The following NLK variants were observed in gnomAD, a reference collection of about 807,000 sequenced individuals.
NLK encodes serine/threonine-protein kinase NLK.
A neutral mutation model predicts 59.0 loss-of-function variants in NLK; 11 were observed. The observed-to-expected ratio is 0.19, with a 90% CI of 0.12 to 0.31. The LOEUF (loss-of-function observed/expected upper bound fraction) is 0.31. Among genes scored for constraint, NLK ranks in the 10% least tolerant of loss-of-function variants. NLK has a pLI of 1.00. For synonymous variants in NLK, 235 were observed against 235.9 expected (o/e 1.00, Z 0.03); for missense variants, 410 against 661.1 (o/e 0.62, Z 4.16).
rs1908912152 is a variant in NLK at position 28,042,971 on chromosome 17, A to G, written c.98A>G (p.His33Arg). 6.4e-7 allele frequency: 1 copy of G among 1,555,956 alleles called. No homozygotes were observed. The highest frequency in any genetic ancestry group is 8.7e-7 in the Non-Finnish European group (1 of 1,149,408). The change falls in exon 1 of 11, where the codon CAC (histidine) becomes CGC (arginine). Residue 33 changes from histidine to arginine, a missense_variant. Transcript: ENST00000407008. The stretch of plus-strand genomic sequence containing the variant: ...GCAGGTCACCACCACCACCATCACC[A>G]CCACCTTCCACACCTCCCTCCTCCT... ...AAAGHHHHHH[H>R]HLPHLPPPHL...
intron 3 of NLK, among the ~76,000 whole-genome samples, chr17:28,152,093 C>T (rs141891600): frequency 6.6e-6 from 1 of 152,198 alleles, no homozygotes; most frequent in African/African-American, 2.4e-5. Context: ...CATTCAAATC[C>T]CACAGGTATA....
chr17:28,193,181 G>C (rs994797804), intron 10 of NLK, among the ~76,000 whole-genome samples: 1 of 152,230 alleles, frequency 6.6e-6, no homozygotes, highest in African/African-American at 2.4e-5. Context: ...AGAGGATTCT[G>C]AAGGCTGCTG....
chr17:28,117,744 C>T (rs1388766198), intron 1 of NLK, among the ~76,000 whole-genome samples: 1 of 152,106 alleles, frequency 6.6e-6, no homozygotes, highest in Non-Finnish European at 1.5e-5. Flanking sequence ...GGATCTCTTT[C>T]TTATGCATAC....
intron 1 of NLK, among the ~76,000 whole-genome samples, chr17:28,050,120 A>C (rs1320422540): frequency 6.6e-6 from 1 of 152,250 alleles, no homozygotes; most frequent in East Asian, 1.9e-4. Flanking sequence ...ATGGATTATT[A>C]TAATTCATTG....
At chr17:28,129,939 C>T (rs184700107) in intron 2 of NLK, among the ~76,000 whole-genome samples, 14 of 152,190 alleles carry the variant, frequency 9.2e-5, no homozygotes, top group African/African-American at 3.4e-4. Context: ...ACATAATGAG[C>T]TTTTGTGTTT....
chr17:28,152,752 T>C (rs1159221979), intron 3 of NLK, among the ~76,000 whole-genome samples: 5 of 152,038 alleles, frequency 3.3e-5, no homozygotes, highest in African/African-American at 7.2e-5. Context: ...GCCTCCCTAG[T>C]AGCCGGGACT....
chr17:28,177,624 A>G (rs1908736466), intron 7 of NLK, among the ~76,000 whole-genome samples: 1 of 152,220 alleles, frequency 6.6e-6, no homozygotes. Context: ...AGATGGAGCC[A>G]GCAGTCCAGG....
At chr17:28,069,763 ATTTC>A (rs1366630608) in intron 1 of NLK, among the ~76,000 whole-genome samples, 2 of 151,710 alleles carry the variant, frequency 1.3e-5, no homozygotes, top group East Asian at 3.9e-4. Flanking sequence ...TAGGAGTCTT[ATTTC>A]TTTTTCTGAA....
chr17:28,119,638 A>G (rs1423070356), intron 1 of NLK, among the ~76,000 whole-genome samples: 1 of 152,222 alleles, frequency 6.6e-6, no homozygotes, highest in African/African-American at 2.4e-5. Context: ...AACCATCGTA[A>G]TAATTGATTC....
chr17:28,070,354 AT>A (rs749066253), intron 1 of NLK, among the ~76,000 whole-genome samples: 4,133 of 134,804 alleles, frequency 0.031, 85 homozygotes, highest in African/African-American at 0.086. Flanking sequence ...TCTGAAATTA[AT>A]TTTTTTTTTT....
chr17:28,108,665 T>G (rs1374528262), intron 1 of NLK, among the ~76,000 whole-genome samples: 1 of 152,236 alleles, frequency 6.6e-6, no homozygotes, highest in Non-Finnish European at 1.5e-5. Flanking sequence ...AATAAAACTT[T>G]AATAGCAAGT....
chr17:28,134,340 G>A (rs1906648155), intron 3 of NLK, among the ~76,000 whole-genome samples: 2 of 152,152 alleles, frequency 1.3e-5, no homozygotes. Flanking sequence ...GGTCGAGGCT[G>A]TAGTGAGCTG....
At chr17:28,156,559 T>C (rs543118753) in intron 3 of NLK, among the ~76,000 whole-genome samples, 109 of 152,178 alleles carry the variant, frequency 7.2e-4, no homozygotes, top group Non-Finnish European at 1.0e-3. Flanking sequence ...CAACACACAC[T>C]TTTTTTGTGG....
At chr17:28,163,339 C>T (rs909526799) in intron 4 of NLK, among the ~76,000 whole-genome samples, 3 of 152,212 alleles carry the variant, frequency 2.0e-5, no homozygotes, top group African/African-American at 7.2e-5. Flanking sequence ...TATCTCTAGA[C>T]TTTGCAAACC....
intron 1 of NLK, among the ~76,000 whole-genome samples, chr17:28,069,129 A>C (rs189592441): frequency 1.1e-3 from 160 of 152,260 alleles, no homozygotes; most frequent in African/African-American, 3.7e-3. Flanking sequence ...ATCTTTGATT[A>C]GTTTTGCTTG....
At chr17:28,089,758 T>C (rs938651632) in intron 1 of NLK, among the ~76,000 whole-genome samples, 2 of 152,186 alleles carry the variant, frequency 1.3e-5, no homozygotes, top group Admixed American at 6.5e-5. Context: ...TTTTAGATAT[T>C]TTAATGTGTG....
At chr17:28,153,274 CAAAAAA>C (rs1281657628) in intron 3 of NLK, among the ~76,000 whole-genome samples, 1 of 104,734 alleles carries the variant, frequency 9.5e-6, no homozygotes, top group Non-Finnish European at 2.1e-5. Flanking sequence ...AATTCCCCCT[CAAAAAA>C]AAAAAAAAAG....
At chr17:28,085,604 G>C (rs1910486928) in intron 1 of NLK, among the ~76,000 whole-genome samples, 1 of 152,114 alleles carries the variant, frequency 6.6e-6, no homozygotes, top group Non-Finnish European at 1.5e-5. Context: ...GCCAGGCGTA[G>C]TGGTGCGCAG....
intron 3 of NLK, among the ~76,000 whole-genome samples, chr17:28,135,300 T>C (rs1467733753): frequency 6.6e-6 from 1 of 152,220 alleles, no homozygotes; most frequent in Non-Finnish European, 1.5e-5. Context: ...AAAGCTGTTA[T>C]TCCCTTGGTG....
Sources: allele counts gnomAD v4.1 joint callset (sites outside exome capture counted in the v4.1 genomes callset), GRCh38; gene constraint gnomAD v4.1.1; transcripts MANE v1.5; gene names NCBI Gene and HGNC (gene_info 2026-07-23, HGNC 2026-07-21).